KIRREL3: variants seen among roughly 807,000 people sequenced by gnomAD.
The protein encoded by KIRREL3 is kin of IRRE-like protein 3.
KIRREL3 carries 36 observed loss-of-function variants against 89.7 expected under a neutral mutation model. That is an observed-to-expected ratio of 0.40 (90% CI 0.31 to 0.53). The LOEUF is 0.53. Among genes scored for constraint, KIRREL3 ranks in the 20% least tolerant of loss-of-function variants. The pLI is 0.49. For synonymous variants in KIRREL3, 445 were observed against 441.4 expected (o/e 1.01, Z -0.10); for missense variants, 864 against 1,056.6 (o/e 0.82, Z 2.53).
chr11:126,537,678 G>A lies in KIRREL3; in HGVS notation c.134-10991C>T, dbSNP rs529132267. 6.6e-6 allele frequency among the ~76,000 whole-genome samples: 1 copy of A among 152,316 alleles called. No homozygotes were observed. The highest frequency in any genetic ancestry group is 2.1e-4 in the South Asian group (1 of 4,828). ...TACCTAGCAGTGTGATCTGAGGCCA[G>A]TGACTCACCCTTTCTGAGCTTCAGT... On this transcript the variant is annotated intron_variant, in intron 2 of 16. Transcript: ENST00000525144. This position sits in a 1 kb window ranked among gnomAD's most constrained non-coding sequence, Gnocchi z 4.3.
chr11:126,860,389 G>A lies in KIRREL3; in HGVS notation c.55+140066C>T, dbSNP rs1418382906. On this transcript the variant is annotated intron_variant, in intron 1 of 16. Coordinates refer to ENST00000525144, the MANE Select transcript of KIRREL3 (RefSeq NM_032531.4). The surrounding 1 kb of genome is among the most constrained non-coding windows in gnomAD (Gnocchi z 4.6). ...TTTATGTTTCAGGCAGAAAAGCTGG[G>A]AAAGTTATAGAAGTGATATTTAAGA... Among the ~76,000 whole-genome samples, 1 of 152,190 alleles carries A rather than the reference G, an allele frequency of 6.6e-6. No individual in the cohort carries two copies. Among genetic ancestry groups the A allele is most frequent in the African/African-American group, 2.4e-5 (1 of 41,460 alleles).
rs955227819 is a variant in KIRREL3, at chr11:126,528,804, G to A, written c.134-2117C>T. Among the ~76,000 whole-genome samples, 2 of 147,154 alleles carry A rather than the reference G, an allele frequency of 1.4e-5. No individual in the cohort carries two copies. The highest frequency in any genetic ancestry group is 2.5e-5 in the African/African-American group (1 of 39,574). ...AGTGAGGACGTGGGAGAGAAGAGGA[G>A]AGGGAGAGGAAGAGGAGGAAGCAGG... On this transcript the variant is annotated intron_variant, in intron 2 of 16. Transcript: ENST00000525144. The surrounding 1 kb of genome is among the most constrained non-coding windows in gnomAD (Gnocchi z 4.6).
intron 9 of KIRREL3, among the ~76,000 whole-genome samples, chr11:126,446,165 A>AC (rs1955790512): frequency 6.6e-6 from 1 of 151,868 alleles, no homozygotes; most frequent in Non-Finnish European, 1.5e-5. Context: ...AAAAAAAAAA[A>AC]AAAAATGGAA....
intron 7 of KIRREL3, among the ~76,000 whole-genome samples, chr11:126,449,635 A>G (rs1032574372): frequency 4.0e-5 from 6 of 151,532 alleles, no homozygotes; most frequent in Admixed American, 1.3e-4. Context: ...GTGCACGAGC[A>G]CACACACACA....
rs1167167831 is a variant in KIRREL3 at position 126,774,327 on chromosome 11, G to C, written c.56-211415C>G. The stretch of plus-strand genomic sequence containing the variant: ...GGGAAAGAACTCCGAGTCCACTGTG[G>C]AGGCCACCTCTGTACCCTCTAGTAG... On this transcript the variant is annotated intron_variant, in intron 1 of 16. Transcript: ENST00000525144. Among the ~76,000 whole-genome samples, 198 of 152,244 alleles carry C rather than the reference G, an allele frequency of 1.3e-3. 3 individuals carry two copies. Among genetic ancestry groups the C allele is most frequent in the Non-Finnish European group, 1.8e-4 (12 of 68,024 alleles).
At position 126,897,479 on chromosome 11, in the gene KIRREL3, C is replaced by T. The variant is rs1946212941; in HGVS notation, c.55+102976G>A. 6.6e-6 allele frequency among the ~76,000 whole-genome samples: 1 copy of T among 152,178 alleles called. No homozygotes were observed. Among genetic ancestry groups the T allele is most frequent in the African/African-American group, 2.4e-5 (1 of 41,434 alleles). On this transcript the variant is annotated intron_variant, in intron 1 of 16. Coordinates refer to ENST00000525144, the MANE Select transcript of KIRREL3 (RefSeq NM_032531.4). The surrounding 1 kb of genome is among the most constrained non-coding windows in gnomAD (Gnocchi z 4.2). Reference sequence around the variant, plus strand: ...CCATCATGAACTTGGACCTTTGTCACTCACCTGTCAACCCCATCTAACACC... The same window carrying T: ...CCATCATGAACTTGGACCTTTGTCATTCACCTGTCAACCCCATCTAACACC...
rs1000447539 is a variant in KIRREL3 at position 126,530,788 on chromosome 11, G to A, written c.134-4101C>T. Reference sequence around the variant, plus strand: ...CCTGATGATGTTCCCCTGGTGTGAAGCCTTGGCGGCCGGTGCAATCTCCCC... The same window carrying A: ...CCTGATGATGTTCCCCTGGTGTGAAACCTTGGCGGCCGGTGCAATCTCCCC... On this transcript the variant is annotated intron_variant, in intron 2 of 16. Transcript: ENST00000525144. This position sits in a 1 kb window ranked among gnomAD's most constrained non-coding sequence, Gnocchi z 5.8. Among the ~76,000 whole-genome samples the A allele has an allele frequency of 6.6e-6, 1 of 152,144 alleles. No homozygotes were observed. The highest frequency in any genetic ancestry group is 2.4e-5 in the African/African-American group (1 of 41,446).
intron 1 of KIRREL3, among the ~76,000 whole-genome samples, chr11:126,869,118 G>C (rs1310446167): frequency 6.8e-6 from 1 of 147,848 alleles, no homozygotes; most frequent in East Asian, 2.0e-4. Context: ...AGAAAAAGCT[G>C]TTTGTGGTGA....
Position 126,510,466 on chromosome 11 carries a change from TTCC to T in KIRREL3, c.433+10846_433+10848del, listed in dbSNP as rs1289970143. ...CTTCCTTCCTTCCTTCCTTCCTTCCTTCCTTTTTTTTGAGATAGGGGTCTCACT... is the reference window on the plus strand; with the variant it reads ...CTTCCTTCCTTCCTTCCTTCCTTCCTTTTTTTTTGAGATAGGGGTCTCACT... On this transcript the variant is annotated intron_variant, in intron 4 of 16. Transcript: ENST00000525144. Among the ~76,000 whole-genome samples, 14 of 150,674 alleles carry T rather than the reference TTCC, an allele frequency of 9.3e-5. 1 individual carries two copies. The highest frequency in any genetic ancestry group is 2.0e-4 in the African/African-American group (8 of 40,884).
intron 2 of KIRREL3, among the ~76,000 whole-genome samples, chr11:126,547,699 G>A (rs144677655): frequency 6.6e-6 from 1 of 152,344 alleles, no homozygotes; most frequent in Non-Finnish European, 1.5e-5. Context: ...GAGTGGCGGA[G>A]TGGGGGGTCT....
chr11:126,929,734 T>C (rs1367450595), intron 1 of KIRREL3, among the ~76,000 whole-genome samples: 7 of 152,212 alleles, frequency 4.6e-5, no homozygotes, highest in South Asian at 2.1e-4. Flanking sequence ...TGAAAGTTCC[T>C]GGAGAATCTA....
chr11:126,973,157 A>T (rs1197989609), intron 1 of KIRREL3, among the ~76,000 whole-genome samples: 10 of 138,694 alleles, frequency 7.2e-5, no homozygotes, highest in Non-Finnish European at 1.4e-4. Flanking sequence ...CTGCATGAGC[A>T]TGTTAGTCAC....
rs188757820 is a variant in KIRREL3 at position 126,563,897 on chromosome 11, G to A, written c.56-985C>T. Among the ~76,000 whole-genome samples, 15 of 152,200 alleles carry A rather than the reference G, an allele frequency of 9.9e-5. No individual in the cohort carries two copies. The East Asian group carries it at 1.9e-3, about 20-fold the overall frequency. ...TACCCCCAAACAACTCACTGAGGTG[G>A]GCATATGGGCCACTGCAACTGACAT... On this transcript the variant is annotated intron_variant, in intron 1 of 16. Coordinates refer to ENST00000525144, the MANE Select transcript of KIRREL3 (RefSeq NM_032531.4). This position sits in a 1 kb window ranked among gnomAD's most constrained non-coding sequence, Gnocchi z 6.8.
chr11:126,840,748 A>G (rs1943939226), intron 1 of KIRREL3, among the ~76,000 whole-genome samples: 1 of 152,182 alleles, frequency 6.6e-6, no homozygotes, highest in African/African-American at 2.4e-5. Context: ...ATTTGCCTGT[A>G]AGTCACTCAG....
At position 126,909,468 on chromosome 11, in the gene KIRREL3, G is replaced by A. The variant is rs917736449; in HGVS notation, c.55+90987C>T. ...AGAGCCATGCCTATTCCTTCAGCACGTGCTAAGCGCCGACTCTCAGGGCAT... is the reference window on the plus strand; with the variant it reads ...AGAGCCATGCCTATTCCTTCAGCACATGCTAAGCGCCGACTCTCAGGGCAT... On this transcript the variant is annotated intron_variant, in intron 1 of 16. Coordinates refer to ENST00000525144, the MANE Select transcript of KIRREL3 (RefSeq NM_032531.4). The surrounding 1 kb of genome is among the most constrained non-coding windows in gnomAD (Gnocchi z 4.5). 2.0e-5 allele frequency among the ~76,000 whole-genome samples: 3 copies of A among 152,184 alleles called. No individual in the cohort carries two copies. The highest frequency in any genetic ancestry group is 4.8e-5 in the African/African-American group (2 of 41,444).
At chr11:126,902,936 T>C (rs190926969) in intron 1 of KIRREL3, among the ~76,000 whole-genome samples, 84 of 152,320 alleles carry the variant, frequency 5.5e-4, no homozygotes, top group Admixed American at 3.7e-3. Context: ...AATGCTACCA[T>C]CCAATGTCTT....
chr11:126,966,716 A>G (rs2135199166), intron 1 of KIRREL3, among the ~76,000 whole-genome samples: 1 of 152,312 alleles, frequency 6.6e-6, no homozygotes, highest in South Asian at 2.1e-4. Flanking sequence ...AGCATGGCCA[A>G]GATACCAACA....
chr11:126,720,549 A>AATTTTTCAACTTTC (rs1948129849), intron 1 of KIRREL3, among the ~76,000 whole-genome samples: 1 of 152,234 alleles, frequency 6.6e-6, no homozygotes, highest in Non-Finnish European at 1.5e-5. Context: ...AAATTGCAAA[A>AATTTTTCAACTTTC]AACAAAATTA....
chr11:126,503,712 G>T (rs575492058), intron 4 of KIRREL3, among the ~76,000 whole-genome samples: 1 of 152,196 alleles, frequency 6.6e-6, no homozygotes, highest in South Asian at 2.1e-4. Flanking sequence ...AAGCTCATCA[G>T]GGTGGAACCC....
Sources: gnomAD v4.1 joint callset for allele counts (sites outside exome capture counted in the v4.1 genomes callset) on GRCh38, gnomAD v4.1.1 for gene constraint, Gnocchi (gnomAD v3.1) non-coding constraint, MANE v1.5 for transcripts, NCBI Gene and HGNC (gene_info 2026-07-23, HGNC 2026-07-21) for gene names.